GALNT13: variants seen among roughly 807,000 people sequenced by gnomAD.
GALNT13 encodes UDP-GalNAc:polypeptide N-acetylgalactosaminyltransferase 13.
In GALNT13, 28 loss-of-function variants were observed where a neutral mutation model predicts 64.2. That is an observed-to-expected ratio of 0.44 (90% CI 0.32 to 0.60). GALNT13 has a LOEUF of 0.60. Among genes scored for constraint, GALNT13 ranks in the 20% least tolerant of loss-of-function variants. The pLI is 0.05. For synonymous variants in GALNT13, 214 were observed against 224.6 expected (o/e 0.95, Z 0.42); for missense variants, 577 against 669.8 (o/e 0.86, Z 1.53).
chr2:153,843,730 C>A, the GALNT13 span, among the ~76,000 whole-genome samples: 1 of 152,172 alleles, frequency 6.6e-6, no homozygotes, highest in African/African-American at 2.4e-5. Flanking sequence ...TTCCAAGACA[C>A]AATGTGGTAT....
At chr2:154,126,680 TAAA>T (rs1460914750) in intron 3 of GALNT13, among the ~76,000 whole-genome samples, 1 of 149,156 alleles carries the variant, frequency 6.7e-6, no homozygotes, top group Non-Finnish European at 1.5e-5. Flanking sequence ...AAAGAAGAAA[TAAA>T]TTAAAGACTG....
the GALNT13 span, among the ~76,000 whole-genome samples, chr2:153,546,495 T>C: frequency 6.6e-6 from 1 of 152,182 alleles, no homozygotes; most frequent in Non-Finnish European, 1.5e-5. Flanking sequence ...TTGTAAAATT[T>C]TATGAAAGGA....
chr2:153,362,190 A>G, the GALNT13 span, among the ~76,000 whole-genome samples: 5 of 152,188 alleles, frequency 3.3e-5, no homozygotes, highest in Admixed American at 2.6e-4. Context: ...TGTCACCACC[A>G]GGCCTGCCTT....
At chr2:153,357,712 A>G in the GALNT13 span, among the ~76,000 whole-genome samples, 3 of 152,186 alleles carry the variant, frequency 2.0e-5, no homozygotes, top group Non-Finnish European at 2.9e-5. Context: ...ATCCTCACTC[A>G]GGTTTATTAC....
At chr2:154,239,033 C>G (rs1689341872) in intron 4 of GALNT13, among the ~76,000 whole-genome samples, 1 of 152,020 alleles carries the variant, frequency 6.6e-6, no homozygotes, top group South Asian at 2.1e-4. Context: ...AATATTAGCC[C>G]TATTTAATTT....
the GALNT13 span, among the ~76,000 whole-genome samples, chr2:153,266,905 A>G: frequency 1.3e-5 from 2 of 152,172 alleles, no homozygotes; most frequent in African/African-American, 2.4e-5. Flanking sequence ...CCAAGTCCAA[A>G]GTCTCATCTA....
the GALNT13 span, among the ~76,000 whole-genome samples, chr2:153,347,276 G>A: frequency 1.3e-5 from 2 of 152,194 alleles, no homozygotes; most frequent in Non-Finnish European, 2.9e-5. Context: ...TGAGATGTGG[G>A]TGGCAGAGGA....
the GALNT13 span, among the ~76,000 whole-genome samples, chr2:153,725,362 C>T: frequency 2.7e-5 from 4 of 150,792 alleles, no homozygotes; most frequent in Non-Finnish European, 5.9e-5. Context: ...TGCTAGATGA[C>T]GAGTTAGTGG....
intron 8 of GALNT13, among the ~76,000 whole-genome samples, chr2:154,284,033 T>C (rs1692115749): frequency 6.6e-6 from 1 of 152,226 alleles, no homozygotes; most frequent in Non-Finnish European, 1.5e-5. Flanking sequence ...GTAAGATACA[T>C]TGTGTTGTTA....
chr2:153,871,011 C>T (rs1306854682), upstream of GALNT13, among the ~76,000 whole-genome samples: 1 of 152,126 alleles, frequency 6.6e-6, no homozygotes, highest in Non-Finnish European at 1.5e-5. Flanking sequence ...TCTCCCATGG[C>T]AGTGGGGGAC....
chr2:154,344,427 A>AGTGT (rs1340182655), intron 9 of GALNT13, among the ~76,000 whole-genome samples: 2 of 152,048 alleles, frequency 1.3e-5, no homozygotes, highest in Admixed American at 6.6e-5. Context: ...CAATGCTTTC[A>AGTGT]CAAAGGAATA....
chr2:153,980,281 T>A (rs912056654), intron 3 of GALNT13, among the ~76,000 whole-genome samples: 2 of 152,134 alleles, frequency 1.3e-5, no homozygotes, highest in African/African-American at 2.4e-5. Context: ...CAGGGAACCT[T>A]AAACACTAGG....
At chr2:154,400,835 G>A (rs799751) in intron 10 of GALNT13, among the ~76,000 whole-genome samples, 52,303 of 151,846 alleles carry the variant, frequency 0.34, 9,497 homozygotes, top group African/African-American at 0.46. Context: ...TAACATGCTC[G>A]GTTCTGATCT....
chr2:153,990,006 G>A (rs970949688), intron 3 of GALNT13, among the ~76,000 whole-genome samples: 6 of 152,004 alleles, frequency 3.9e-5, no homozygotes, highest in Non-Finnish European at 7.4e-5. Flanking sequence ...ACAACATATC[G>A]AAGTAATTTT....
intron 11 of GALNT13, among the ~76,000 whole-genome samples, chr2:154,426,543 C>T (rs1254135434): frequency 6.6e-6 from 1 of 152,112 alleles, no homozygotes; most frequent in Non-Finnish European, 1.5e-5. Flanking sequence ...TCAAGCATAA[C>T]TCGTGGGATA....
chr2:153,068,716 G>A, the GALNT13 span, among the ~76,000 whole-genome samples: 5 of 152,070 alleles, frequency 3.3e-5, no homozygotes, highest in South Asian at 2.1e-4. Flanking sequence ...GTGCTGTCCT[G>A]GATTTGCTAA....
At chr2:154,237,357 G>A (rs1573932295) in intron 4 of GALNT13, among the ~76,000 whole-genome samples, 1 of 151,538 alleles carries the variant, frequency 6.6e-6, no homozygotes, top group South Asian at 2.1e-4. Flanking sequence ...AGAACAAATT[G>A]TCTTGTCTCA....
the GALNT13 span, among the ~76,000 whole-genome samples, chr2:153,273,333 A>G: frequency 6.6e-6 from 1 of 152,210 alleles, no homozygotes; most frequent in African/African-American, 2.4e-5. Context: ...ATTAGGTTAT[A>G]TGAGGTGAAA....
At chr2:154,106,343 A>G (rs773471653) in intron 3 of GALNT13, among the ~76,000 whole-genome samples, 50 of 152,182 alleles carry the variant, frequency 3.3e-4, no homozygotes, top group Middle Eastern at 6.8e-3. Context: ...TGCATTTTGA[A>G]TTCATTTGGT....
Sources: gnomAD v4.1 joint callset for allele counts (sites outside exome capture counted in the v4.1 genomes callset) on GRCh38, gnomAD v4.1.1 for gene constraint, MANE v1.5 for transcripts, NCBI Gene and HGNC (gene_info 2026-07-23, HGNC 2026-07-21) for gene names.